RELN: variants seen among roughly 807,000 people sequenced by gnomAD.
RELN encodes the protein reelin.
In RELN, 108 loss-of-function variants were observed where a neutral mutation model predicts 427.6. The ratio of observed to expected loss-of-function variants is 0.25; its 90% CI spans 0.22 to 0.30. The LOEUF is 0.30. Ranked by LOEUF, RELN falls within the 10% of genes least tolerant of loss-of-function variation. The probability of loss-of-function intolerance (pLI) is 1.00; values close to 1 mark genes in which losing one functional copy is unlikely to be tolerated. For synonymous variants in RELN, 1,524 were observed against 1,513.4 expected (o/e 1.01, Z -0.16); for missense variants, 3,715 against 4,302.8 (o/e 0.86, Z 3.82).
chr7:103,922,657 G>C (rs1353466006), intron 1 of RELN, among the ~76,000 whole-genome samples: 1 of 152,062 alleles, frequency 6.6e-6, no homozygotes, highest in African/African-American at 2.4e-5. Flanking sequence ...TAATTACAGA[G>C]TCAGTTATTA....
rs10569884 is a variant in RELN, at chr7:103,835,954, C to CTTTTTTTTTTTTTTTTT, written c.338-2299_338-2283dup. Among the ~76,000 whole-genome samples, 174 of 142,414 alleles carry CTTTTTTTTTTTTTTTTT rather than the reference C, an allele frequency of 1.2e-3. 4 individuals are homozygous for CTTTTTTTTTTTTTTTTT. The highest frequency in any genetic ancestry group is 4.4e-3 in the African/African-American group (169 of 38,540). 93.4% of individuals were successfully genotyped at this position (142,414 alleles called of 152,430 possible). ...TCTCTTTACAAAACTCTCAATTACC[C>CTTTTTTTTTTTTTTTTT]TTTTTTTTTTTTTTTTTTATAGGCG... On this transcript the variant is annotated intron_variant, in intron 2 of 64. Coordinates refer to ENST00000428762, the MANE Select transcript of RELN (RefSeq NM_005045.4).
chr7:103,734,049 G>A (rs1047414084), intron 6 of RELN, among the ~76,000 whole-genome samples: 2 of 152,158 alleles, frequency 1.3e-5, no homozygotes, highest in African/African-American at 4.8e-5. Flanking sequence ...GCGGGATAAT[G>A]AGTGGTTCAA....
chr7:103,515,099 T>C, intron 50 of RELN, 86 bp downstream of exon 50: 1 of 1,533,422 alleles, frequency 6.5e-7, no homozygotes, highest in East Asian at 2.3e-5. Flanking sequence ...TCTGAAAAGG[T>C]TCCATATTTT....
At chr7:103,834,619 A>G (rs1318173791) in intron 2 of RELN, among the ~76,000 whole-genome samples, 2 of 152,214 alleles carry the variant, frequency 1.3e-5, no homozygotes, top group Non-Finnish European at 2.9e-5. Context: ...CAAACAACCT[A>G]ATTAACAAAT....
chr7:103,805,989 ATAAG>A (rs1487638299), intron 3 of RELN, among the ~76,000 whole-genome samples: 1 of 152,198 alleles, frequency 6.6e-6, no homozygotes, highest in African/African-American at 2.4e-5. Context: ...TTTTGAGTTG[ATAAG>A]TAAGGAGAAG....
At chr7:103,957,109 G>A (rs1449401182) in intron 1 of RELN, among the ~76,000 whole-genome samples, 2 of 152,130 alleles carry the variant, frequency 1.3e-5, no homozygotes, top group East Asian at 3.9e-4. Flanking sequence ...CGGGGTGTTT[G>A]CCTTGGCTTC....
chr7:103,930,868 A>ATGTGTGTGTGTGTGTGTG (rs60265174), intron 1 of RELN, among the ~76,000 whole-genome samples: 4 of 141,902 alleles, frequency 2.8e-5, no homozygotes, highest in East Asian at 2.1e-4. Flanking sequence ...GTGTGAGCAT[A>ATGTGTGTGTGTGTGTGTG]TGTGTGTGTG....
intron 4 of RELN, among the ~76,000 whole-genome samples, chr7:103,758,207 A>C (rs113962426): frequency 0.016 from 2,506 of 152,292 alleles, 84 homozygotes; most frequent in African/African-American, 0.056. Context: ...TACAGAAACT[A>C]TATCCTTTGT....
At chr7:103,508,150 T>C (rs190946305) in intron 51 of RELN, among the ~76,000 whole-genome samples, 8 of 151,936 alleles carry the variant, frequency 5.3e-5, no homozygotes, top group African/African-American at 1.4e-4. Flanking sequence ...TTCCGAACAA[T>C]AGAAAAAGAG....
intron 22 of RELN, among the ~76,000 whole-genome samples, chr7:103,609,661 G>T (rs1831902455): frequency 6.6e-6 from 1 of 152,134 alleles, no homozygotes; most frequent in South Asian, 2.1e-4. Context: ...TTTACATAAT[G>T]CAGGAATTCA....
Position 103,522,414 on chromosome 7 carries a change from G to A in RELN, c.7491-215C>T, listed in dbSNP as rs532734748. Among the ~76,000 whole-genome samples, 270 of 152,308 alleles carry A rather than the reference G, an allele frequency of 1.8e-3. 1 individual carries two copies. The highest frequency in any genetic ancestry group is 3.1e-3 in the Non-Finnish European group (208 of 68,026). On this transcript the variant is annotated intron_variant, in intron 47 of 64. Coordinates refer to ENST00000428762, the MANE Select transcript of RELN (RefSeq NM_005045.4). ...TAACTCTAACATTTCCTAAGGTAGT[G>A]ATTCAGGGTTATAGGTGGAGAGAAA... is the stretch of plus-strand genomic sequence containing the variant.
intron 1 of RELN, among the ~76,000 whole-genome samples, chr7:103,964,010 T>C (rs1354457433): frequency 6.6e-6 from 1 of 151,836 alleles, no homozygotes. Context: ...AATAAAAAAA[T>C]CAGCCAGGCA....
chr7:103,658,901 T>C (rs1301791159), intron 12 of RELN, among the ~76,000 whole-genome samples: 1 of 151,850 alleles, frequency 6.6e-6, no homozygotes, highest in Non-Finnish European at 1.5e-5. Flanking sequence ...TAGGCTCCAA[T>C]GACACCTTCC....
Position 103,503,223 on chromosome 7 carries a change from A to G in RELN, c.8282T>C (p.Val2761Ala). ...EGWIMQFKIS[V>A]GCKVSEKIAQ... ...AATTTTTTCAGACACCTTACATCCA[A>G]CTGAGATCTAATAAACAGAAAAACA... is the stretch of plus-strand genomic sequence containing the variant. The change falls in exon 52 of 65, where the codon GTT becomes GCT. Residue 2761 changes from valine to alanine, a missense_variant. Transcript: ENST00000428762. 1.9e-6 allele frequency: 3 copies of G among 1,613,670 alleles called. No individual in the cohort carries two copies. Among genetic ancestry groups the G allele is most frequent in the African/African-American group, 2.7e-5 (2 of 75,034 alleles).
rs753376558 is a variant in RELN at position 103,557,980 on chromosome 7, T to G, written c.5599A>C (p.Arg1867=). Residue 1867 remains arginine (R), a synonymous_variant, in exon 37 of 65, where the codon AGA becomes CGA. Transcript: ENST00000428762. ...TCATACTTACTTTTTGCTATAAATC[T>G]AAGTGAAAACTGGACATACATTGTA... ...TNTMYVQFSL[R]FIAKSTPERS... 68 of 1,383,768 alleles carry G rather than the reference T, an allele frequency of 4.9e-5. No homozygotes were observed. The highest frequency in any genetic ancestry group is 1.2e-4 in the Admixed American group (7 of 59,618). The allele number at this position is 1,383,768 out of a possible 1,614,324, so 85.7% of individuals were successfully genotyped here. A position where few individuals can be genotyped will look rare whatever the true frequency, so the allele number is the denominator to read the frequency against.
At chr7:103,791,341 C>T (rs1297786575) in intron 3 of RELN, among the ~76,000 whole-genome samples, 2 of 152,098 alleles carry the variant, frequency 1.3e-5, no homozygotes, top group Non-Finnish European at 2.9e-5. Flanking sequence ...TTCCTTATTT[C>T]AAAATTTACC....
chr7:103,556,290 AAAATGTCATTACAACTGATGAGTGC>A (rs1234741395), intron 38 of RELN, among the ~76,000 whole-genome samples: 1 of 152,154 alleles, frequency 6.6e-6, no homozygotes, highest in East Asian at 1.9e-4. Context: ...AAATGCAACA[AAAATGTCATTACAACTGATGAGTGC>A]CTAATGATAA....
intron 34 of RELN, among the ~76,000 whole-genome samples, chr7:103,562,951 T>G (rs1276732252): frequency 6.6e-6 from 1 of 152,190 alleles, no homozygotes; most frequent in Non-Finnish European, 1.5e-5. Flanking sequence ...AGCCCTTGAA[T>G]TTCCCCATCC....
At chr7:103,537,636 C>A (rs1267322581) in intron 45 of RELN, among the ~76,000 whole-genome samples, 1 of 152,200 alleles carries the variant, frequency 6.6e-6, no homozygotes, top group Non-Finnish European at 1.5e-5. Context: ...TGATAACTTA[C>A]TTCTTTGGGC....
Sources: allele counts gnomAD v4.1 joint callset (sites outside exome capture counted in the v4.1 genomes callset), GRCh38; gene constraint gnomAD v4.1.1; transcripts MANE v1.5; gene names NCBI Gene and HGNC (gene_info 2026-07-23, HGNC 2026-07-21).